HPSE: variants seen among roughly 807,000 people sequenced by gnomAD.
The protein encoded by HPSE is endo-glucoronidase.
A neutral mutation model predicts 65.1 loss-of-function variants in HPSE; 48 were observed. The ratio of observed to expected loss-of-function variants is 0.74; its 90% confidence interval spans 0.58 to 0.94. The LOEUF is 0.94. Among genes scored for constraint, HPSE ranks in the 40% least tolerant of loss-of-function variants. HPSE has a pLI of 0.00. For synonymous variants in HPSE, 243 were observed against 260.0 expected (o/e 0.93, Z 0.63); for missense variants, 644 against 637.5 (o/e 1.01, Z -0.11).
intron 6 of HPSE, 96 bp from the exon 7 acceptor site, chr4:83,309,591 A>C: frequency 1.4e-6 from 1 of 712,698 alleles, no homozygotes; most frequent in Non-Finnish European, 2.4e-6. Flanking sequence ...TACCTCTCCC[A>C]CTCACCTGTT....
chr4:83,330,078 G>C (rs1212927403), intron 1 of HPSE, among the ~76,000 whole-genome samples: 1 of 152,138 alleles, frequency 6.6e-6, no homozygotes, highest in Non-Finnish European at 1.5e-5. Context: ...TTACAAACAA[G>C]GAACCTGAAC....
At chr4:83,308,793 G>T in intron 8 of HPSE, 52 bp downstream of exon 8, 2 of 1,343,398 alleles carry the variant, frequency 1.5e-6, no homozygotes, top group Non-Finnish European at 2.1e-6. Context: ...CAGAATAGAA[G>T]GATGGAGAAG....
chr4:83,334,569 G>A lies in HPSE; in HGVS notation c.214C>T (p.Leu72Phe), dbSNP rs1250537978. Residue 72 changes from leucine (L) to phenylalanine (F), a missense_variant, in exon 1 of 12, where the codon CTC becomes TTC. Leu to Phe is a conservative substitution (Grantham distance 22). Transcript: ENST00000311412. ...GCTGGCGCTTACCCCAGGAGGATGA[G>A]GAACCGCGGGTCCGTGGCCAGGTTG... ...DANLATDPRF[L>F]ILLGSPKLRT... is the part of the protein sequence containing the mutation. 4.4e-6 allele frequency: 7 copies of A among 1,584,340 alleles called. No homozygotes were observed. Among genetic ancestry groups the A allele is most frequent in the East Asian group, 4.6e-5 (2 of 43,444 alleles).
chr4:83,302,910 G>A (rs1241116371), intron 9 of HPSE, among the ~76,000 whole-genome samples: 1 of 152,154 alleles, frequency 6.6e-6, no homozygotes, highest in African/African-American at 2.4e-5. Flanking sequence ...AGGAGGTCAA[G>A]GCTGCAGTGA....
intron 1 of HPSE, among the ~76,000 whole-genome samples, chr4:83,332,413 A>C (rs1737414148): frequency 6.6e-6 from 1 of 152,234 alleles, no homozygotes; most frequent in African/African-American, 2.4e-5. Context: ...TCTGGGGAGC[A>C]GGTATGGCAG....
At chr4:83,319,320 T>C (rs754509235) in intron 3 of HPSE, 24 bp downstream of exon 3, 2 of 1,612,930 alleles carry the variant, frequency 1.2e-6, no homozygotes, top group Non-Finnish European at 1.7e-6. Context: ...CTGGAACATC[T>C]CTAGGGTGCC....
upstream of HPSE, chr4:83,334,908 C>T: frequency 7.2e-7 from 1 of 1,391,246 alleles, no homozygotes. Context: ...CGCCTCCTCA[C>T]CCCTCCCACT....
At position 83,309,009 on chromosome 4, in the gene HPSE, T is replaced by C. The variant is rs955522532; in HGVS notation, c.985-58A>G. ...AAAAAAGCTGACCTGTGGTTTCAAC[T>C]GTGGTGTTGAAGATTAACAGCATTC... On this transcript the variant is annotated intron_variant, in intron 7 of 11. Transcript: ENST00000311412. The C allele has an allele frequency of 4.4e-6, 6 of 1,372,984 alleles. No homozygotes were observed. In the African/African-American group the frequency reaches 8.6e-5, roughly 20 times the overall value. The allele number at this position is 1,372,984 out of a possible 1,614,324, so 85.1% of individuals were successfully genotyped here.
intron 8 of HPSE, among the ~76,000 whole-genome samples, chr4:83,306,612 C>A (rs1395144545): frequency 1.3e-5 from 2 of 152,118 alleles, no homozygotes; most frequent in African/African-American, 2.4e-5. Flanking sequence ...AGAGATCAGA[C>A]CTCATTGACT....
chr4:83,306,391 G>A, intron 8 of HPSE, 74 bp from the exon 9 acceptor site: 1 of 729,424 alleles, frequency 1.4e-6, no homozygotes, highest in South Asian at 1.6e-5. Context: ...ACACCATCTT[G>A]ATTTTATTTA....
chr4:83,327,436 G>A (rs527686985), intron 1 of HPSE, among the ~76,000 whole-genome samples: 4 of 152,184 alleles, frequency 2.6e-5, no homozygotes, highest in African/African-American at 9.6e-5. Flanking sequence ...TAATATGGGT[G>A]CAAAACATGC....
At chr4:83,318,258 C>T (rs1011229453) in intron 3 of HPSE, among the ~76,000 whole-genome samples, 2 of 152,172 alleles carry the variant, frequency 1.3e-5, no homozygotes, top group African/African-American at 4.8e-5. Context: ...ATTTCTTTAA[C>T]TGAGATATGG....
Position 83,292,520 on chromosome 4 carries a change from A to C in HPSE, c.*2824T>G, listed in dbSNP as rs1376439972. On this transcript the variant is annotated 3_prime_UTR_variant, in exon 12 of 12. Transcript: ENST00000311412. ...AAAATATAAAAACCACTTACATATA[A>C]AATTTAAGAGTATTGAAAGATCTAA... The C allele has an allele frequency of 6.6e-6, 1 of 152,218 alleles. No homozygotes were observed. Among genetic ancestry groups the C allele is most frequent in the African/African-American group, 2.4e-5 (1 of 41,452 alleles). The allele number at this position is 152,218 out of a possible 1,614,324, so 9.4% of individuals were successfully genotyped here.
chr4:83,310,909 CA>C lies in HPSE; in HGVS notation c.674-20del. ...TTAGGTTCTGAAAGACAGCAATTCT[CA>C]AAATATATATCGAGAAATGTTGTAT... On this transcript the variant is annotated intron_variant, in intron 4 of 11. Transcript: ENST00000311412. The C allele has an allele frequency of 6.3e-7, 1 of 1,579,688 alleles. No homozygotes were observed. Among genetic ancestry groups the C allele is most frequent in the Non-Finnish European group, 8.7e-7 (1 of 1,153,942 alleles).
In HPSE at chr4:83,322,223, G is replaced by A. The variant is rs1736928241; in HGVS notation, c.369C>T (p.Asn123=). 4 of 1,612,514 alleles carry A rather than the reference G, an allele frequency of 2.5e-6. No individual in the cohort carries two copies. The highest frequency in any genetic ancestry group is 2.5e-6 in the Non-Finnish European group (3 of 1,179,308). The change falls in exon 2 of 12, where the codon AAC becomes AAT. Residue 123 remains asparagine (N), a synonymous_variant. Transcript: ENST00000311412. Reference sequence around the variant, plus strand: ...TGAATCTTTAAAAATTTTCACCCTGGTTGACTTGAGATTGCCAGTAACTTC... The same window carrying A: ...TGAATCTTTAAAAATTTTCACCCTGATTGACTTGAGATTGCCAGTAACTTC... ...EERSYWQSQV[N]QDICKYGSIP...
chr4:83,314,985 G>A (rs926730457), intron 3 of HPSE, among the ~76,000 whole-genome samples: 7 of 151,702 alleles, frequency 4.6e-5, no homozygotes, highest in Admixed American at 1.3e-4. Context: ...GTGAAACCCC[G>A]TCTCTACTAA....
chr4:83,333,240 G>A (rs769451516), intron 1 of HPSE, among the ~76,000 whole-genome samples: 2 of 152,196 alleles, frequency 1.3e-5, no homozygotes, highest in African/African-American at 4.8e-5. Context: ...ACACTGAGAA[G>A]CTCTTACCAT....
chr4:83,306,285 A>G lies in HPSE; in HGVS notation c.1124T>C (p.Met375Thr), dbSNP rs778547181. Residue 375 changes from methionine (M) to threonine (T), a missense_variant, in exon 9 of 12, where the codon ATG becomes ACG. Met to Thr is a moderately conservative substitution (Grantham distance 81, BLOSUM62 -1). Coordinates refer to ENST00000311412, the MANE Select transcript of HPSE (RefSeq NM_001098540.3). ...TTGCCTCATCACCACTTCTATTCCC[A>G]TTCGGGCTGACAGGCCCAATTTATC... The part of the protein sequence containing the change: ...WLDKLGLSAR[M>T]GIEVVMRQVF... 2 of 1,613,570 alleles carry G rather than the reference A, an allele frequency of 1.2e-6. No homozygotes were observed. The highest frequency in any genetic ancestry group is 1.1e-5 in the South Asian group (1 of 91,044).
intron 3 of HPSE, among the ~76,000 whole-genome samples, chr4:83,316,315 C>T (rs1736633792): frequency 6.7e-6 from 1 of 148,432 alleles, no homozygotes; most frequent in Admixed American, 6.9e-5. Context: ...GCGTGAGCCA[C>T]CACGTCTGGC....
Sources: gnomAD v4.1 joint callset for allele counts (sites outside exome capture counted in the v4.1 genomes callset) on GRCh38, gnomAD v4.1.1 for gene constraint, MANE v1.5 for transcripts, NCBI Gene and HGNC (gene_info 2026-07-23, HGNC 2026-07-21) for gene names.